The following RIMS1 variants were observed in gnomAD, a reference collection of about 807,000 sequenced individuals.
The protein encoded by RIMS1 is regulating synaptic membrane exocytosis protein 1.
In RIMS1, 83 loss-of-function variants were observed where a neutral mutation model predicts 214.1. The observed-to-expected ratio is 0.39, with a 90% confidence interval of 0.32 to 0.47. The LOEUF is 0.47. Among genes scored for constraint, RIMS1 ranks in the 20% least tolerant of loss-of-function variants. RIMS1 has a pLI of 0.99. For synonymous variants in RIMS1, 793 were observed against 786.8 expected (o/e 1.01, Z -0.13); for missense variants, 2,050 against 2,161.8 (o/e 0.95, Z 1.03).
At chr6:72,144,780 T>C (rs1368154134) in intron 4 of RIMS1, among the ~76,000 whole-genome samples, 2 of 152,200 alleles carry the variant, frequency 1.3e-5, no homozygotes, top group African/African-American at 4.8e-5. Context: ...CACTGATTGG[T>C]TCACAGGAAT....
At chr6:72,052,384 A>G (rs919793691) in intron 2 of RIMS1, among the ~76,000 whole-genome samples, 16 of 152,256 alleles carry the variant, frequency 1.1e-4, no homozygotes, top group African/African-American at 3.1e-4. Context: ...GAACAGAGTA[A>G]TAGTGAGAAA....
At chr6:72,192,057 G>T (rs982319326) in intron 6 of RIMS1, among the ~76,000 whole-genome samples, 2 of 152,196 alleles carry the variant, frequency 1.3e-5, no homozygotes, top group African/African-American at 4.8e-5. Flanking sequence ...CCAACGTGGG[G>T]GTTCTGCCAG....
In RIMS1 at chr6:72,122,885, T is replaced by A. The variant is rs9446573; in HGVS notation, c.471+22899T>A. Among the ~76,000 whole-genome samples the A allele has an allele frequency of 3.1e-3, 469 of 151,966 alleles. 4 individuals are homozygous for A. The highest frequency in any genetic ancestry group is 0.011 in the African/African-American group (458 of 41,532). ...TCTCTCTTTTCTTCTTTATTAGTCT[T>A]GCTAGTGGTCTATTTTGTTGATCTT... is the stretch of plus-strand genomic sequence containing the variant. On this transcript the variant is annotated intron_variant, in intron 4 of 33. Coordinates refer to ENST00000521978, the MANE Select transcript of RIMS1 (RefSeq NM_014989.7).
At chr6:72,382,991 A>G (rs554812246) in intron 29 of RIMS1, among the ~76,000 whole-genome samples, 2 of 152,270 alleles carry the variant, frequency 1.3e-5, no homozygotes, top group East Asian at 3.9e-4. Context: ...GCTTTTAGGC[A>G]GCCTTTTTTT....
chr6:72,385,936 A>G (rs1359630151), intron 29 of RIMS1, among the ~76,000 whole-genome samples: 1 of 152,244 alleles, frequency 6.6e-6, no homozygotes, highest in Non-Finnish European at 1.5e-5. Context: ...ATTTATTTAT[A>G]TGAATAAGAC....
chr6:72,247,768 C>T (rs575065603), intron 11 of RIMS1, among the ~76,000 whole-genome samples: 40 of 152,264 alleles, frequency 2.6e-4, no homozygotes, highest in African/African-American at 9.6e-4. Context: ...CATGCAAGAG[C>T]CTGTGCAATA....
chr6:72,365,801 G>T (rs1000522864), intron 29 of RIMS1: 2 of 152,202 alleles, frequency 1.3e-5, no homozygotes, highest in Non-Finnish European at 2.9e-5. Context: ...GAGCCACACA[G>T]AAATATGCTC....
At chr6:72,316,701 G>A in intron 28 of RIMS1, 2 of 631,170 alleles carry the variant, frequency 3.2e-6, no homozygotes, top group Admixed American at 4.0e-5. Flanking sequence ...GCACCTCCTG[G>A]AAGAGGGTGT....
chr6:72,158,016 G>C lies in RIMS1; in HGVS notation c.472-21559G>C, dbSNP rs1476229181. 1.4e-5 allele frequency among the ~76,000 whole-genome samples: 2 copies of C among 140,114 alleles called. 1 individual carries two copies. Among genetic ancestry groups the C allele is most frequent in the Non-Finnish European group, 3.2e-5 (2 of 61,630 alleles). 91.9% of individuals were successfully genotyped at this position (140,114 alleles called of 152,430 possible). A position where few individuals can be genotyped will look rare whatever the true frequency, so the allele number is the denominator to read the frequency against. On this transcript the variant is annotated intron_variant, in intron 4 of 33. Transcript: ENST00000521978. ...TAGCTTATCCCCACAAATATTTTAT[G>C]TTATTATTGTGTGATTTATTATAAT...
At chr6:72,375,137 A>G (rs570210563) in intron 29 of RIMS1, among the ~76,000 whole-genome samples, 6 of 152,316 alleles carry the variant, frequency 3.9e-5, no homozygotes, top group Non-Finnish European at 8.8e-5. Context: ...GTACCAGTCC[A>G]TGACCCTGAG....
intron 1 of RIMS1, among the ~76,000 whole-genome samples, chr6:71,907,504 A>T (rs774151871): frequency 1.3e-5 from 2 of 152,168 alleles, no homozygotes; most frequent in African/African-American, 4.8e-5. Flanking sequence ...TCTAATGTGG[A>T]CTTACAGCAC....
chr6:72,365,791 G>A (rs888864535), intron 29 of RIMS1: 2 of 152,176 alleles, frequency 1.3e-5, no homozygotes, highest in African/African-American at 4.8e-5. Context: ...AGGTGAGGAG[G>A]AGCCACACAG....
At chr6:72,197,300 T>C (rs141394124) in intron 6 of RIMS1, among the ~76,000 whole-genome samples, 266 of 152,224 alleles carry the variant, frequency 1.7e-3, no homozygotes, top group Non-Finnish European at 3.3e-3. Flanking sequence ...GTTGCTCATT[T>C]TAAATGTGAA....
intron 4 of RIMS1, among the ~76,000 whole-genome samples, chr6:72,124,275 T>G (rs142395446): frequency 0.055 from 8,341 of 151,914 alleles, 442 homozygotes; most frequent in Middle Eastern, 0.095. Context: ...GAAAATTCTT[T>G]TCTTTAAGAA....
chr6:72,194,458 A>G (rs1282509685), intron 6 of RIMS1, among the ~76,000 whole-genome samples: 3 of 152,124 alleles, frequency 2.0e-5, no homozygotes, highest in Admixed American at 2.0e-4. Context: ...TGTTAAAAAA[A>G]GGTATTTCAC....
chr6:72,356,511 C>A (rs1312890688), intron 29 of RIMS1, among the ~76,000 whole-genome samples: 1 of 152,090 alleles, frequency 6.6e-6, no homozygotes, highest in Admixed American at 6.6e-5. Flanking sequence ...GTAATACCTG[C>A]ACTTTGGGAG....
At chr6:71,917,646 G>T (rs921182444) in intron 1 of RIMS1, among the ~76,000 whole-genome samples, 1 of 152,146 alleles carries the variant, frequency 6.6e-6, no homozygotes, top group African/African-American at 2.4e-5. Flanking sequence ...TGAATCAGGG[G>T]AGTGACAGGA....
chr6:72,394,770 G>A (rs1460350735), intron 31 of RIMS1, among the ~76,000 whole-genome samples: 3 of 151,832 alleles, frequency 2.0e-5, no homozygotes, highest in African/African-American at 7.2e-5. Context: ...AGGAACTGAG[G>A]TCTAAAACAG....
chr6:72,290,795 G>A lies in RIMS1; in HGVS notation c.3671G>A (p.Arg1224Lys), dbSNP rs2093261710. ...RSRSSEHSSI[R>K]TLCSMHHLVP... ...AGGTCGAGTGAGCACTCTAGTATCAGAACACTGTGTTCTATGCACCACCTT... is the reference window on the plus strand; with the variant it reads ...AGGTCGAGTGAGCACTCTAGTATCAAAACACTGTGTTCTATGCACCACCTT... The change falls in exon 25 of 34, where the codon AGA (arginine) becomes AAA (lysine). Residue 1224 changes from arginine to lysine, a missense_variant. Arg to Lys is a conservative substitution (Grantham distance 26, BLOSUM62 2). This residue lies in a region of RIMS1 where 889 missense variants were observed against 885.5 expected (regional missense o/e 1.00). Coordinates refer to ENST00000521978, the MANE Select transcript of RIMS1 (RefSeq NM_014989.7). 1 of 1,613,780 alleles carries A rather than the reference G, an allele frequency of 6.2e-7. No individual in the cohort carries two copies. The highest frequency in any genetic ancestry group is 1.1e-5 in the South Asian group (1 of 91,076).
Sources: gnomAD v4.1 joint callset for allele counts (sites outside exome capture counted in the v4.1 genomes callset) on GRCh38, gnomAD v4.1.1 for gene constraint, gnomAD v4.1.1 regional missense constraint, MANE v1.5 for transcripts, NCBI Gene and HGNC (gene_info 2026-07-23, HGNC 2026-07-21) for gene names.